Variants in LAMA2 observed in about 807,000 individuals in gnomAD.
LAMA2 encodes laminin subunit alpha 2.
In LAMA2, 269 loss-of-function variants were observed where a neutral mutation model predicts 364.8. The observed-to-expected ratio is 0.74, with a 90% confidence interval of 0.67 to 0.82. LAMA2 has a LOEUF of 0.82. LAMA2 is among the 40% of genes least tolerant of loss of function. The pLI is 0.00. For missense variants in LAMA2, 3,807 were observed against 3,873.2 expected (o/e 0.98, Z 0.45); for synonymous variants, 1,379 against 1,370.6 (o/e 1.01, Z -0.14).
At chr6:128,938,454 C>T (rs572709166) in intron 1 of LAMA2, among the ~76,000 whole-genome samples, 31 of 152,184 alleles carry the variant, frequency 2.0e-4, no homozygotes, top group South Asian at 4.1e-4. Flanking sequence ...ATGTTTTAGA[C>T]GGCGTAGTTA....
chr6:129,326,571 A>AT (rs1011869613), intron 28 of LAMA2, among the ~76,000 whole-genome samples: 4 of 151,492 alleles, frequency 2.6e-5, no homozygotes, highest in Middle Eastern at 3.2e-3. Context: ...TTTTACACAA[A>AT]TTTTTACAGA....
intron 12 of LAMA2, among the ~76,000 whole-genome samples, chr6:129,202,185 C>T (rs1426800668): frequency 1.5e-5 from 1 of 67,964 alleles, no homozygotes; most frequent in African/African-American, 6.3e-5. Context: ...GAGAGTCTGT[C>T]TCAAAAAAAA....
chr6:129,442,708 C>A, intron 43 of LAMA2: 1 of 318,510 alleles, frequency 3.1e-6, no homozygotes, highest in Admixed American at 4.7e-5. Flanking sequence ...GAATTCCATT[C>A]TATTTTAGAT....
rs191015868 is a variant in LAMA2, at chr6:129,059,128, C to T, written c.284-656C>T. On this transcript the variant is annotated intron_variant, in intron 2 of 64. Transcript: ENST00000421865. Reference sequence around the variant, plus strand: ...GGTGGGATCAGACTGTAAGTAGATACGGGAGTATCAGAGTAAAACTTATTT... The same window carrying T: ...GGTGGGATCAGACTGTAAGTAGATATGGGAGTATCAGAGTAAAACTTATTT... Among the ~76,000 whole-genome samples, 9 of 152,234 alleles carry T rather than the reference C, an allele frequency of 5.9e-5. No individual in the cohort carries two copies. In the East Asian group the frequency reaches 7.7e-4, roughly 13 times the overall value.
chr6:129,226,050 A>G (rs1445354687), intron 12 of LAMA2, among the ~76,000 whole-genome samples: 1 of 152,156 alleles, frequency 6.6e-6, no homozygotes, highest in Non-Finnish European at 1.5e-5. Flanking sequence ...TAGGATAGTT[A>G]GCTCTTCTTG....
chr6:129,508,543 C>T (rs904102088), intron 62 of LAMA2, among the ~76,000 whole-genome samples: 3 of 152,078 alleles, frequency 2.0e-5, no homozygotes, highest in African/African-American at 7.2e-5. Context: ...TGGTAACTAT[C>T]CTTCTACTTT....
chr6:129,080,302 A>G (rs1773955505), intron 3 of LAMA2, among the ~76,000 whole-genome samples: 1 of 152,182 alleles, frequency 6.6e-6, no homozygotes. Flanking sequence ...CCTGCCGTGT[A>G]TACTCCAGAT....
chr6:129,476,214 A>AAAG lies in LAMA2; in HGVS notation c.7451+818_7451+820dup, dbSNP rs1784059562. 2.6e-5 allele frequency among the ~76,000 whole-genome samples: 4 copies of AAAG among 152,292 alleles called. No homozygotes were observed. In the South Asian group the frequency reaches 8.3e-4, roughly 32 times the overall value. ...GAGCCCAGCTGTGCCAGATTTCTGG[A>AAAG]AAGAAGATAATAAAGCCGAACTGAT... On this transcript the variant is annotated intron_variant, in intron 53 of 64. Coordinates refer to ENST00000421865, the MANE Select transcript of LAMA2 (RefSeq NM_000426.4).
At chr6:128,957,415 C>A (rs748705492) in intron 1 of LAMA2, among the ~76,000 whole-genome samples, 3 of 152,132 alleles carry the variant, frequency 2.0e-5, no homozygotes, top group Admixed American at 6.6e-5. Flanking sequence ...ATCATTCTAT[C>A]AATTTCAAGT....
intron 20 of LAMA2, chr6:129,292,857 C>A (rs1789809670): frequency 2.0e-6 from 2 of 985,786 alleles, no homozygotes; most frequent in Non-Finnish European, 2.4e-6. Flanking sequence ...TGACTGCGAT[C>A]CCGTTGGCTC....
intron 12 of LAMA2, among the ~76,000 whole-genome samples, chr6:129,210,649 C>T (rs1039690983): frequency 3.9e-5 from 6 of 152,172 alleles, no homozygotes; most frequent in East Asian, 3.8e-4. Context: ...CTCTGCTACC[C>T]ACTAGCCAGT....
intron 35 of LAMA2, among the ~76,000 whole-genome samples, chr6:129,390,080 A>G (rs1258810597): frequency 1.3e-5 from 2 of 152,266 alleles, no homozygotes; most frequent in African/African-American, 2.4e-5. Flanking sequence ...AAAGACATAT[A>G]TAACGAAAAA....
chr6:129,097,041 A>G (rs1017929004), intron 3 of LAMA2, among the ~76,000 whole-genome samples: 1 of 152,250 alleles, frequency 6.6e-6, no homozygotes, highest in Non-Finnish European at 1.5e-5. Flanking sequence ...TCTGTAGCTC[A>G]GCAGTCCTGT....
chr6:129,118,481 G>A (rs918819797), intron 4 of LAMA2, among the ~76,000 whole-genome samples: 34 of 152,144 alleles, frequency 2.2e-4, no homozygotes, highest in African/African-American at 8.0e-4. Context: ...TATCCTTGGA[G>A]ATTTTAAAGC....
At chr6:128,910,817 T>C (rs2114453931) in intron 1 of LAMA2, among the ~76,000 whole-genome samples, 1 of 150,032 alleles carries the variant, frequency 6.7e-6, no homozygotes, top group African/African-American at 2.5e-5. Context: ...GGGTTCTTGG[T>C]GTGGATGTCC....
Position 129,503,262 on chromosome 6 carries a change from T to C in LAMA2, c.8529T>C (p.Asn2843=). ...ACACCATGATCCCCACCAAAATCAA[T>C]GATGGCCAGTGGCACAAGGTAATAG... ...DTHTMIPTKI[N]DGQWHKIKIM... is the part of the protein sequence containing the mutation. The change falls in exon 60 of 65, where the codon AAT becomes AAC. Residue 2843 remains asparagine (N), a synonymous_variant. Coordinates refer to ENST00000421865, the MANE Select transcript of LAMA2 (RefSeq NM_000426.4). The C allele has an allele frequency of 1.2e-6, 2 of 1,613,894 alleles. No homozygotes were observed. Among genetic ancestry groups the C allele is most frequent in the Middle Eastern group, 1.7e-4 (1 of 5,904 alleles).
At chr6:129,419,665 ACACT>A (rs1323779062) in intron 40 of LAMA2, among the ~76,000 whole-genome samples, 1 of 152,162 alleles carries the variant, frequency 6.6e-6, no homozygotes, top group Non-Finnish European at 1.5e-5. Context: ...CTAAAAATTC[ACACT>A]CACGAATTTT....
intron 3 of LAMA2, among the ~76,000 whole-genome samples, chr6:129,079,607 T>C (rs9482981): frequency 0.95 from 143,599 of 151,232 alleles, 68,245 homozygotes; most frequent in East Asian, 0.97. Flanking sequence ...GAAGTGGTGG[T>C]GGTTCATATT....
intron 12 of LAMA2, among the ~76,000 whole-genome samples, chr6:129,205,393 C>CA (rs145952118): frequency 0.25 from 32,816 of 130,290 alleles, 4,577 homozygotes; most frequent in African/African-American, 0.38. Context: ...GATTCCATCT[C>CA]AAAAAAAAAA....
Sources: allele counts gnomAD v4.1 joint callset (sites outside exome capture counted in the v4.1 genomes callset), GRCh38; gene constraint gnomAD v4.1.1; transcripts MANE v1.5; gene names NCBI Gene and HGNC (gene_info 2026-07-23, HGNC 2026-07-21).